The following LINGO2 variants were observed in gnomAD, a reference collection of about 807,000 sequenced individuals.
The protein encoded by LINGO2 is leucine-rich repeat and immunoglobulin-like domain-containing nogo receptor-interacting protein 2.
Under a neutral mutation model 30.6 loss-of-function variants are expected in LINGO2, and 14 were observed. The ratio of observed to expected loss-of-function variants is 0.46; its 90% confidence interval spans 0.30 to 0.72. The LOEUF is 0.72. LINGO2 is among the 30% of genes least tolerant of loss of function. The probability of loss-of-function intolerance (pLI) is 0.07; values close to 1 mark genes in which losing one functional copy is unlikely to be tolerated. For synonymous variants in LINGO2, 317 were observed against 288.5 expected (o/e 1.10, Z -1.00); for missense variants, 729 against 751.7 (o/e 0.97, Z 0.35).
At chr9:28,347,888 G>C (rs1236992948) in intron 3 of LINGO2, among the ~76,000 whole-genome samples, 1 of 152,146 alleles carries the variant, frequency 6.6e-6, no homozygotes, top group Admixed American at 6.6e-5. Flanking sequence ...CTAGCTCAAA[G>C]ATGTTTCTAC....
At chr9:28,322,458 C>G (rs1265086735) in intron 3 of LINGO2, among the ~76,000 whole-genome samples, 1 of 115,998 alleles carries the variant, frequency 8.6e-6, no homozygotes, top group Non-Finnish European at 1.7e-5. Flanking sequence ...CACACACACA[C>G]ACACACACAC....
intron 3 of LINGO2, among the ~76,000 whole-genome samples, chr9:28,312,002 T>A (rs1196913807): frequency 6.6e-6 from 1 of 152,338 alleles, no homozygotes; most frequent in Middle Eastern, 3.4e-3. Context: ...TCACAATTTA[T>A]GTTCTTCTGC....
intron 4 of LINGO2, among the ~76,000 whole-genome samples, chr9:28,154,314 T>C (rs1321432547): frequency 6.6e-6 from 1 of 152,184 alleles, no homozygotes; most frequent in Non-Finnish European, 1.5e-5. Flanking sequence ...TATTAAGACG[T>C]TTTCCTACTC....
At chr9:28,316,793 G>A (rs1285633888) in intron 3 of LINGO2, among the ~76,000 whole-genome samples, 2 of 152,090 alleles carry the variant, frequency 1.3e-5, no homozygotes, top group Non-Finnish European at 2.9e-5. Context: ...GTTCCAAGAA[G>A]GCCTTTCAGA....
intron 4 of LINGO2, among the ~76,000 whole-genome samples, chr9:28,170,612 A>C (rs1253369943): frequency 1.3e-5 from 2 of 152,180 alleles, no homozygotes; most frequent in South Asian, 2.1e-4. Flanking sequence ...AAACAGAACA[A>C]ATTTATTATA....
chr9:28,942,073 G>A, the LINGO2 span, among the ~76,000 whole-genome samples: 4 of 152,074 alleles, frequency 2.6e-5, no homozygotes, highest in Admixed American at 2.6e-4. Context: ...CCCCAGGACG[G>A]CATACCCTGG....
intron 4 of LINGO2, among the ~76,000 whole-genome samples, chr9:28,174,947 A>G (rs918655893): frequency 1.3e-5 from 2 of 151,526 alleles, no homozygotes; most frequent in African/African-American, 4.9e-5. Flanking sequence ...AGAGAGAGAG[A>G]GACAGACAGA....
At chr9:28,146,265 C>T (rs2133523281) in intron 4 of LINGO2, among the ~76,000 whole-genome samples, 1 of 152,194 alleles carries the variant, frequency 6.6e-6, no homozygotes, top group Admixed American at 6.5e-5. Context: ...TGTCCCTGGG[C>T]CCTCAAATCC....
the LINGO2 span, among the ~76,000 whole-genome samples, chr9:28,905,248 C>T: frequency 4.0e-5 from 6 of 148,754 alleles, no homozygotes; most frequent in African/African-American, 1.5e-4. Context: ...ATATTCATAC[C>T]CTTTGAGTAT....
chr9:28,364,418 G>C (rs1201258626), intron 3 of LINGO2, among the ~76,000 whole-genome samples: 1 of 151,752 alleles, frequency 6.6e-6, no homozygotes, highest in Admixed American at 6.6e-5. Flanking sequence ...ATGGCATCAT[G>C]CTGCTGAAGC....
chr9:29,086,891 ATTTT>A, the LINGO2 span, among the ~76,000 whole-genome samples: 4 of 135,950 alleles, frequency 2.9e-5, no homozygotes, highest in Admixed American at 7.4e-5. Context: ...AAGAGCAGTG[ATTTT>A]TTTTTTTTTT....
the LINGO2 span, among the ~76,000 whole-genome samples, chr9:29,116,884 GAAT>G: frequency 1.5e-3 from 222 of 152,206 alleles, 1 homozygote; most frequent in South Asian, 8.7e-3. Context: ...CAATCCTACT[GAAT>G]ATTTTACATA....
At chr9:29,018,091 T>TTATATA in the LINGO2 span, among the ~76,000 whole-genome samples, 32 of 23,234 alleles carry the variant, frequency 1.4e-3, no homozygotes, top group Admixed American at 3.0e-3. Context: ...AATATACATT[T>TTATATA]TATATATATA....
intron 5 of LINGO2, among the ~76,000 whole-genome samples, chr9:27,976,901 T>C (rs1267336513): frequency 6.6e-6 from 1 of 152,064 alleles, no homozygotes; most frequent in Non-Finnish European, 1.5e-5. Context: ...ACTCTCGTGG[T>C]ATTTTGCAGA....
At chr9:28,048,452 C>T (rs1161470974) in intron 4 of LINGO2, among the ~76,000 whole-genome samples, 1 of 150,502 alleles carries the variant, frequency 6.6e-6, no homozygotes, top group African/African-American at 2.5e-5. Context: ...CCAAATGGAA[C>T]CTGAAGATAC....
At chr9:28,172,900 T>C (rs1036167398) in intron 4 of LINGO2, among the ~76,000 whole-genome samples, 1 of 152,198 alleles carries the variant, frequency 6.6e-6, no homozygotes, top group African/African-American at 2.4e-5. Flanking sequence ...ACAACTCTTA[T>C]CTTTTCATCA....
intron 4 of LINGO2, among the ~76,000 whole-genome samples, chr9:28,271,492 A>T (rs1278934044): frequency 6.6e-6 from 1 of 152,210 alleles, no homozygotes; most frequent in Non-Finnish European, 1.5e-5. Flanking sequence ...CTTTCTCAGA[A>T]ATAACATAGA....
At chr9:28,040,101 T>C (rs1048091651) in intron 4 of LINGO2, among the ~76,000 whole-genome samples, 3 of 152,226 alleles carry the variant, frequency 2.0e-5, no homozygotes, top group African/African-American at 4.8e-5. Flanking sequence ...ATTTTGACTA[T>C]AAATCAAATG....
chr9:28,588,644 G>C (rs1267807268), intron 1 of LINGO2, among the ~76,000 whole-genome samples: 2 of 151,222 alleles, frequency 1.3e-5, no homozygotes, highest in African/African-American at 4.9e-5. Context: ...TGTGGGCATG[G>C]AGAATTGAAC....
Sources: gnomAD v4.1 joint callset for allele counts (sites outside exome capture counted in the v4.1 genomes callset) on GRCh38, gnomAD v4.1.1 for gene constraint, MANE v1.5 for transcripts, NCBI Gene and HGNC (gene_info 2026-07-23, HGNC 2026-07-21) for gene names.